Variants in ARHGEF4 observed in about 807,000 individuals in gnomAD.
ARHGEF4 encodes Rho guanine nucleotide exchange factor 4.
ARHGEF4 carries 119 observed loss-of-function variants against 162.0 expected under a neutral mutation model. That is an observed-to-expected ratio of 0.73 (90% confidence interval 0.63 to 0.86). ARHGEF4 has a LOEUF of 0.86. Ranked by LOEUF, ARHGEF4 falls within the 40% of genes least tolerant of loss-of-function variation. ARHGEF4 has a pLI of 0.00. For synonymous variants in ARHGEF4, 1,014 were observed against 979.9 expected, an observed-to-expected ratio of 1.03 and a Z score of -0.65; for missense variants, 2,488 against 2,456.0, an observed-to-expected ratio of 1.01 and a Z score of -0.28.
At chr2:131,015,886 A>G (rs1204041247) in intron 4 of ARHGEF4, among the ~76,000 whole-genome samples, 1 of 152,196 alleles carries the variant, frequency 6.6e-6, no homozygotes, top group African/African-American at 2.4e-5. Flanking sequence ...TTCATGTCGC[A>G]AGGATGAAGT....
intron 4 of ARHGEF4, among the ~76,000 whole-genome samples, chr2:130,967,418 A>G (rs1019191749): frequency 3.3e-5 from 5 of 151,804 alleles, no homozygotes; most frequent in African/African-American, 4.8e-5. Context: ...AGCTTTCACA[A>G]TTTCTGTTCT....
At chr2:130,837,825 G>A (rs1680307529) in intron 1 of ARHGEF4, 8 of 283,400 alleles carry the variant, frequency 2.8e-5, no homozygotes, top group South Asian at 2.1e-4. Flanking sequence ...TGCAGGTCCA[G>A]GGGGAGGCAG....
intron 4 of ARHGEF4, among the ~76,000 whole-genome samples, chr2:130,973,751 G>T (rs1685513266): frequency 6.6e-6 from 1 of 152,144 alleles, no homozygotes; most frequent in African/African-American, 2.4e-5. Flanking sequence ...CAGCTAATCA[G>T]CAGTAACATA....
intron 1 of ARHGEF4, among the ~76,000 whole-genome samples, chr2:130,885,434 G>T (rs1339140066): frequency 6.6e-6 from 1 of 151,504 alleles, no homozygotes. Flanking sequence ...AAGAACCCTC[G>T]TGGCCCAATC....
chr2:130,967,688 C>A (rs61155706), intron 4 of ARHGEF4, among the ~76,000 whole-genome samples: 2,941 of 152,328 alleles, frequency 0.019, 92 homozygotes, highest in African/African-American at 0.066. Context: ...ATACACATTT[C>A]TTGCCCTTAA....
In ARHGEF4 at chr2:130,846,178, G is replaced by A. The variant is rs189412972; in HGVS notation, c.39+9186G>A. On this transcript the variant is annotated intron_variant, in intron 1 of 13. Coordinates refer to ENST00000409359, the MANE Select transcript of ARHGEF4 (RefSeq NM_001367493.1). Reference sequence around the variant, plus strand: ...CTTGCTTCCTGTATCCACTCTCTGTGTGCCCAGTGGTTAGGCCTTCCTCGG... The same window carrying A: ...CTTGCTTCCTGTATCCACTCTCTGTATGCCCAGTGGTTAGGCCTTCCTCGG... 1.0e-3 allele frequency among the ~76,000 whole-genome samples: 157 copies of A among 152,334 alleles called. 2 individuals are homozygous for A. Among genetic ancestry groups the A allele is most frequent in the African/African-American group, 3.5e-3 (145 of 41,582 alleles).
At chr2:130,908,929 T>C (rs1356036573) in intron 1 of ARHGEF4, among the ~76,000 whole-genome samples, 3 of 152,138 alleles carry the variant, frequency 2.0e-5, no homozygotes, top group Non-Finnish European at 4.4e-5. Context: ...CATGAGAAGA[T>C]GCTCAACATC....
chr2:130,916,719 C>A lies in ARHGEF4; in HGVS notation c.2773C>A (p.Leu925Ile), dbSNP rs1446623680. ...TFSNFIESIV[L>I]EKENTHERSP... ...TTCAAACTTTATTGAGTCAATAGTT[C>A]TAGAGAAAGAGAACACCCATGAACG... The change falls in exon 2 of 14, where the codon CTA becomes ATA. Residue 925 changes from leucine (L) to isoleucine (I), a missense_variant. Leu to Ile is a conservative substitution (Grantham distance 5, BLOSUM62 2). Transcript: ENST00000409359. 3 of 1,550,516 alleles carry A rather than the reference C, an allele frequency of 1.9e-6. No individual in the cohort carries two copies. Among genetic ancestry groups the A allele is most frequent in the African/African-American group, 2.7e-5 (2 of 73,048 alleles).
chr2:130,948,914 T>C (rs1375471927), intron 4 of ARHGEF4, among the ~76,000 whole-genome samples: 1 of 152,240 alleles, frequency 6.6e-6, no homozygotes, highest in Admixed American at 6.5e-5. Flanking sequence ...AGGAAAGCTT[T>C]CTTTTCTTTT....
chr2:131,006,061 C>T (rs1688094811), intron 4 of ARHGEF4, among the ~76,000 whole-genome samples: 1 of 152,136 alleles, frequency 6.6e-6, no homozygotes, highest in South Asian at 2.1e-4. Context: ...ACTCAACCCA[C>T]CATTGTGGGG....
In ARHGEF4 at chr2:130,917,187, G is replaced by A. The variant is rs1485999124; in HGVS notation, c.3241G>A (p.Glu1081Lys). Residue 1081 changes from glutamate to lysine, a missense_variant, in exon 2 of 14, where the codon GAA becomes AAA. Transcript: ENST00000409359. ...PSSSACCLAY[E>K]NPGTPCRPTS... ...CAGCTCTGCCTGCTGCCTGGCATAT[G>A]AAAACCCCGGGACGCCCTGCAGACC... 2.6e-6 allele frequency: 4 copies of A among 1,550,384 alleles called. No individual in the cohort carries two copies. Among genetic ancestry groups the A allele is most frequent in the African/African-American group, 1.4e-5 (1 of 73,026 alleles).
Position 131,001,512 on chromosome 2 carries a change from G to A in ARHGEF4, c.3986-26433G>A, listed in dbSNP as rs543241214. Among the ~76,000 whole-genome samples, 4 of 152,190 alleles carry A rather than the reference G, an allele frequency of 2.6e-5. No homozygotes were observed. The South Asian group carries it at 8.3e-4, about 32-fold the overall frequency. On this transcript the variant is annotated intron_variant, in intron 4 of 13. Transcript: ENST00000409359. ...CCATACCCTTCACATTGGCAGATGC[G>A]TTGTGTGAATGCCAAGTATTGGTGA...
chr2:130,906,612 C>A (rs563673544), intron 1 of ARHGEF4, among the ~76,000 whole-genome samples: 10 of 152,174 alleles, frequency 6.6e-5, no homozygotes, highest in African/African-American at 1.2e-4. Flanking sequence ...GCCAACATGG[C>A]GAACCAGCCC....
intron 4 of ARHGEF4, among the ~76,000 whole-genome samples, chr2:130,970,124 C>G (rs953619960): frequency 2.6e-5 from 4 of 152,106 alleles, no homozygotes; most frequent in African/African-American, 9.7e-5. Flanking sequence ...TTTGTATGTA[C>G]GTAAGTTTTC....
intron 1 of ARHGEF4, among the ~76,000 whole-genome samples, chr2:130,877,869 AT>A (rs1239373377): frequency 6.6e-6 from 1 of 152,000 alleles, no homozygotes; most frequent in Non-Finnish European, 1.5e-5. Flanking sequence ...GGGGTTGGGG[AT>A]TTTGACTGTT....
chr2:130,864,040 G>A (rs1682077466), intron 1 of ARHGEF4, among the ~76,000 whole-genome samples: 1 of 149,974 alleles, frequency 6.7e-6, no homozygotes, highest in Non-Finnish European at 1.5e-5. Context: ...AAAAAAATTA[G>A]CTGGGCATGG....
intron 1 of ARHGEF4, among the ~76,000 whole-genome samples, chr2:130,848,231 C>T (rs1214872517): frequency 6.6e-6 from 1 of 152,150 alleles, no homozygotes; most frequent in Non-Finnish European, 1.5e-5. Flanking sequence ...TGGGCTGCTC[C>T]CGCCCACCCT....
At chr2:130,857,157 G>A (rs758710416) in intron 1 of ARHGEF4, among the ~76,000 whole-genome samples, 24 of 152,138 alleles carry the variant, frequency 1.6e-4, no homozygotes, top group South Asian at 4.1e-4. Flanking sequence ...GCATGAACCC[G>A]GGAGGCGAAG....
chr2:131,035,812 C>T, intron 5 of ARHGEF4: 3 of 985,414 alleles, frequency 3.0e-6, no homozygotes, highest in Non-Finnish European at 3.6e-6. Context: ...CGGGTGTTCA[C>T]AGCTGCCCCC....
Sources: allele counts gnomAD v4.1 joint callset (sites outside exome capture counted in the v4.1 genomes callset), GRCh38; gene constraint gnomAD v4.1.1; transcripts MANE v1.5; gene names NCBI Gene and HGNC (gene_info 2026-07-23, HGNC 2026-07-21).